SRCIN1: variants seen among roughly 807,000 people sequenced by gnomAD.
SRCIN1 encodes P130Cas-associated protein.
In SRCIN1, 50 loss-of-function variants were observed where a neutral mutation model predicts 116.2. The observed-to-expected ratio is 0.43, with a 90% CI of 0.34 to 0.54. The LOEUF is 0.54. Among genes scored for constraint, SRCIN1 ranks in the 20% least tolerant of loss-of-function variants. SRCIN1 has a pLI of 0.02. For synonymous variants in SRCIN1, 736 were observed against 750.0 expected, an observed-to-expected ratio of 0.98 and a Z score of 0.30; for missense variants, 1,446 against 1,672.0, an observed-to-expected ratio of 0.86 and a Z score of 2.36.
intron 7 of SRCIN1, 71 bp downstream of exon 7, chr17:38,561,392 A>G (rs1906228287): frequency 1.4e-6 from 2 of 1,411,786 alleles, no homozygotes; most frequent in East Asian, 5.5e-5. Context: ...CCTGCCACGG[A>G]CTCTGCTGTG....
Position 38,548,694 on chromosome 17 carries a change from C to A in SRCIN1, c.3133G>T (p.Glu1045Ter). 1 of 1,605,410 alleles carries A rather than the reference C, an allele frequency of 6.2e-7. No homozygotes were observed. Among genetic ancestry groups the A allele is most frequent in the Non-Finnish European group, 8.5e-7 (1 of 1,176,768 alleles). ...SAFIKKAESE[E>*]LEVQKPQVKL... ...ACCTGGGGCTTCTGCACCTCCAGCT[C>A]CTCGGACTCAGCCTTCTGCAAGGCC... Residue 1045 changes from glutamate to a stop codon, truncating the protein, a stop_gained, in exon 17 of 19, where the codon GAG becomes TAG. Coordinates refer to ENST00000617146, the MANE Select transcript of SRCIN1 (RefSeq NM_025248.3). LOFTEE classifies it high-confidence loss of function.
intron 2 of SRCIN1, among the ~76,000 whole-genome samples, chr17:38,569,750 T>C (rs1906957666): frequency 6.6e-6 from 1 of 152,080 alleles, no homozygotes. Flanking sequence ...CAGCCAATGC[T>C]TGGAATCATC....
intron 2 of SRCIN1, 82 bp downstream of exon 2, chr17:38,578,408 G>A: frequency 3.4e-6 from 5 of 1,449,698 alleles, no homozygotes; most frequent in Non-Finnish European, 4.6e-6. Flanking sequence ...ATGAGCCTGG[G>A]GACACGGAGC....
chr17:38,573,955 C>G (rs1244267371), intron 2 of SRCIN1, among the ~76,000 whole-genome samples: 2 of 152,240 alleles, frequency 1.3e-5, no homozygotes, highest in Non-Finnish European at 2.9e-5. Flanking sequence ...TTGAGTTACA[C>G]TCGGCTAAAA....
In SRCIN1 at chr17:38,604,168, G is replaced by A. The variant is rs913091548; in HGVS notation, c.22+1516C>T. Among the ~76,000 whole-genome samples the A allele has an allele frequency of 3.3e-5, 5 of 152,148 alleles. No homozygotes were observed. The highest frequency in any genetic ancestry group is 7.3e-5 in the Non-Finnish European group (5 of 68,032). ...GGTCACCCAGACCAAGATACCAAGAGTCGGGAAGAAGGTATCCTGACGACC... is the reference window on the plus strand; with the variant it reads ...GGTCACCCAGACCAAGATACCAAGAATCGGGAAGAAGGTATCCTGACGACC... On this transcript the variant is annotated intron_variant, in intron 1 of 18. Coordinates refer to ENST00000617146, the MANE Select transcript of SRCIN1 (RefSeq NM_025248.3). This position sits in a 1 kb window ranked among gnomAD's most constrained non-coding sequence, Gnocchi z 4.3.
chr17:38,547,289 G>A (rs979636482), intron 17 of SRCIN1, among the ~76,000 whole-genome samples: 1 of 152,160 alleles, frequency 6.6e-6, no homozygotes, highest in African/African-American at 2.4e-5. Flanking sequence ...GCCCCTCCCC[G>A]GCACAGGCAG....
chr17:38,587,876 C>T (rs1908205694), intron 1 of SRCIN1, among the ~76,000 whole-genome samples: 1 of 152,118 alleles, frequency 6.6e-6, no homozygotes, highest in Non-Finnish European at 1.5e-5. Flanking sequence ...GCAAAATGTG[C>T]AAATCAGCCC....
In SRCIN1 at chr17:38,578,806, A is replaced by AG. The variant is rs1907605690; in HGVS notation, c.23-16dup. 1 of 1,477,412 alleles carries AG rather than the reference A, an allele frequency of 6.8e-7. No individual in the cohort carries two copies. The highest frequency in any genetic ancestry group is 9.0e-7 in the Non-Finnish European group (1 of 1,116,558). The allele number at this position is 1,477,412 out of a possible 1,614,324, so 91.5% of individuals were successfully genotyped here. ...CCGCTCCGGATCTGCGAGAGGTGAG[A>AG]GGGGCACGGCTGGGTCACGGCGCGC... On this transcript the variant is annotated splice_polypyrimidine_tract_variant and intron_variant, in intron 1 of 18. Transcript: ENST00000617146.
intron 15 of SRCIN1, among the ~76,000 whole-genome samples, chr17:38,550,244 C>T (rs1313288758): frequency 1.3e-5 from 2 of 152,164 alleles, no homozygotes; most frequent in African/African-American, 4.8e-5. Flanking sequence ...TCTGTAATCC[C>T]AGCACTTTGG....
At chr17:38,603,561 G>T (rs1439340376) in intron 1 of SRCIN1, among the ~76,000 whole-genome samples, 4 of 152,122 alleles carry the variant, frequency 2.6e-5, no homozygotes, top group Non-Finnish European at 5.9e-5. Flanking sequence ...TCCCAGCCTT[G>T]AGGGTCATCA....
At position 38,551,987 on chromosome 17, in the gene SRCIN1, C is replaced by T. The variant is rs533940451; in HGVS notation, c.2626G>A (p.Gly876Arg). The change falls in exon 14 of 19, where the codon GGG becomes AGG. Residue 876 changes from glycine to arginine, a missense_variant. Transcript: ENST00000617146. ...GTAAGAGAGGCTCCTTCAGCTGGCC[C>T]GCTCAGCTCATGCAGGTTCAGCGGG... ...SPPLNLHELS[G>R]PAEGASLTPK... 49 of 1,614,030 alleles carry T rather than the reference C, an allele frequency of 3.0e-5. No individual in the cohort carries two copies. The highest frequency in any genetic ancestry group is 5.0e-5 in the Admixed American group (3 of 60,032).
chr17:38,603,699 G>A (rs1403970621), intron 1 of SRCIN1, among the ~76,000 whole-genome samples: 5 of 152,162 alleles, frequency 3.3e-5, no homozygotes, highest in African/African-American at 1.2e-4. Flanking sequence ...CTTGCTGCCA[G>A]TGGTGCCTGG....
rs79154508 is a variant in SRCIN1 at position 38,533,095 on chromosome 17, TAAAAA to T, written c.*197_*201del. On this transcript the variant is annotated 3_prime_UTR_variant, in exon 19 of 19. Transcript: ENST00000617146. Reference sequence around the variant, plus strand: ...AAAAAGATAATTAAAAGTTAATTGTTAAAAAAAAAAAAAAAAACAAAACCAAAAAC... The same window carrying T: ...AAAAAGATAATTAAAAGTTAATTGTTAAAAAAAAAAAACAAAACCAAAAAC... 1 of 257,586 alleles carries T rather than the reference TAAAAA, an allele frequency of 3.9e-6. No individual in the cohort carries two copies. Among genetic ancestry groups the T allele is most frequent in the Non-Finnish European group, 6.4e-6 (1 of 155,850 alleles). 16.0% of individuals were successfully genotyped at this position (257,586 alleles called of 1,614,324 possible).
chr17:38,594,300 G>C (rs532452635), intron 1 of SRCIN1, among the ~76,000 whole-genome samples: 12 of 152,322 alleles, frequency 7.9e-5, no homozygotes, highest in Non-Finnish European at 4.4e-5. Flanking sequence ...TTAGGAAAAC[G>C]GTAATTTTAA....
rs1156699721 is a variant in SRCIN1, at chr17:38,604,466, C to T, written c.22+1218G>A. 4 of 452,986 alleles carry T rather than the reference C, an allele frequency of 8.8e-6. No homozygotes were observed. Among genetic ancestry groups the T allele is most frequent in the South Asian group, 1.6e-5 (1 of 64,116 alleles). 28.1% of individuals were successfully genotyped at this position (452,986 alleles called of 1,614,324 possible). A position where few individuals can be genotyped will look rare whatever the true frequency, so the allele number is the denominator to read the frequency against. ...AGATCCCCCTCCTTGCATACTTCCC[C>T]GCGCCTGCTCACCTGGCTCCCCTCG... On this transcript the variant is annotated intron_variant, in intron 1 of 18. Transcript: ENST00000617146. This position sits in a 1 kb window ranked among gnomAD's most constrained non-coding sequence, Gnocchi z 4.3.
At position 38,558,564 on chromosome 17, in the gene SRCIN1, T is replaced by C. The variant is rs985869856; in HGVS notation, c.2026-162A>G. 2.9e-4 allele frequency among the ~76,000 whole-genome samples: 40 copies of C among 139,066 alleles called. No homozygotes were observed. The highest frequency in any genetic ancestry group is 1.1e-3 in the African/African-American group (40 of 37,222). 91.2% of individuals were successfully genotyped at this position (139,066 alleles called of 152,430 possible). ...CTCAGGCAGCAGCGAAGGGGTGGGA[T>C]GGCGAAGGGCAGGGGCGGGATGGCG... On this transcript the variant is annotated intron_variant, in intron 10 of 18. Transcript: ENST00000617146. The surrounding 1 kb of genome is among the most constrained non-coding windows in gnomAD (Gnocchi z 4.6).
intron 2 of SRCIN1, 37 bp downstream of exon 2, chr17:38,578,453 C>G: frequency 6.5e-7 from 1 of 1,535,536 alleles, no homozygotes; most frequent in Non-Finnish European, 8.8e-7. Context: ...CCGCTGGCCG[C>G]GGCCGCAGCC....
intron 1 of SRCIN1, among the ~76,000 whole-genome samples, chr17:38,581,933 G>C (rs908990073): frequency 1.3e-5 from 2 of 152,190 alleles, no homozygotes; most frequent in Non-Finnish European, 2.9e-5. Context: ...ACCAGCCAGA[G>C]GTCTGCAGCC....
intron 18 of SRCIN1, among the ~76,000 whole-genome samples, chr17:38,540,520 A>G (rs897429137): frequency 1.7e-4 from 26 of 151,914 alleles, no homozygotes; most frequent in African/African-American, 6.0e-4. Context: ...CATTGTACAG[A>G]CGAAGAAAGG....
Sources: gnomAD v4.1 joint callset for allele counts (sites outside exome capture counted in the v4.1 genomes callset) on GRCh38, gnomAD v4.1.1 for gene constraint, Gnocchi (gnomAD v3.1) non-coding constraint, MANE v1.5 for transcripts, NCBI Gene and HGNC (gene_info 2026-07-23, HGNC 2026-07-21) for gene names.